Variants in BARD1 observed in about 807,000 individuals in gnomAD.
BARD1 encodes the protein BRCA1 associated RING domain 1, also known as BRCA1-associated RING domain protein 1.
In BARD1, 73 loss-of-function variants were observed where a neutral mutation model predicts 77.0. That is an observed-to-expected ratio of 0.95 (90% CI 0.79 to 1.15). The LOEUF (loss-of-function observed/expected upper bound fraction) is 1.15. BARD1 is among the 50% of genes most tolerant of loss of function. BARD1 has a pLI of 0.00. For synonymous variants in BARD1, 384 were observed against 338.0 expected (o/e 1.14, Z -1.49); for missense variants, 993 against 938.8 (o/e 1.06, Z -0.75).
chr2:214,779,401 T>A (rs1274029739), intron 4 of BARD1, among the ~76,000 whole-genome samples: 1 of 152,236 alleles, frequency 6.6e-6, no homozygotes, highest in Non-Finnish European at 1.5e-5. Flanking sequence ...AATTTGCATT[T>A]TTTTATTGCG....
intron 1 of BARD1, among the ~76,000 whole-genome samples, chr2:214,809,183 G>A (rs976870788): frequency 1.3e-5 from 2 of 152,180 alleles, no homozygotes; most frequent in Non-Finnish European, 2.9e-5. Context: ...AAAAACTACC[G>A]TTTCAGTTGG....
rs553790960 is a variant in BARD1 at position 214,780,713 on chromosome 2, G to A, written c.1161C>T (p.Phe387=). 1 of 1,614,056 alleles carries A rather than the reference G, an allele frequency of 6.2e-7. No individual in the cohort carries two copies. ...GTGGTGTACCTGGTGAAAGACTAAT[G>A]AATTCATCGGACATGTTACTGTTTT... is the stretch of plus-strand genomic sequence containing the variant. ...GRKNSNMSDE[F]ISLSPGTPPS... Residue 387 remains phenylalanine, a synonymous_variant, in exon 4 of 11, where the codon TTC becomes TTT. Coordinates refer to ENST00000260947, the MANE Select transcript of BARD1 (RefSeq NM_000465.4).
At position 214,730,326 on chromosome 2, in the gene BARD1, T is replaced by C. The variant is rs547713947; in HGVS notation, c.2001+85A>G. On this transcript the variant is annotated intron_variant, in intron 10 of 10. Transcript: ENST00000260947. Reference sequence around the variant, plus strand: ...AATTTTAATCAGTCACCTGTAGCTGTTGAAAGGGCAGAAGTTCTTCCTGAT... The same window carrying C: ...AATTTTAATCAGTCACCTGTAGCTGCTGAAAGGGCAGAAGTTCTTCCTGAT... The C allele has an allele frequency of 3.4e-4, 415 of 1,207,656 alleles. 7 individuals are homozygous for C. The South Asian group carries it at 4.6e-3, about 14-fold the overall frequency. 74.8% of individuals were successfully genotyped at this position (1,207,656 alleles called of 1,614,324 possible). A position where few individuals can be genotyped will look rare whatever the true frequency, so the allele number is the denominator to read the frequency against.
At chr2:214,804,888 T>C (rs1188088300) in intron 1 of BARD1, among the ~76,000 whole-genome samples, 2 of 152,148 alleles carry the variant, frequency 1.3e-5, no homozygotes, top group Non-Finnish European at 2.9e-5. Context: ...CTCGGCCTGG[T>C]GTGGTGGCTC....
chr2:214,781,795 C>A (rs1437965465), intron 3 of BARD1, among the ~76,000 whole-genome samples: 1 of 152,066 alleles, frequency 6.6e-6, no homozygotes. Flanking sequence ...AAATACAAAT[C>A]TAACAGAATG....
chr2:214,730,081 A>G (rs1692282787), intron 10 of BARD1, among the ~76,000 whole-genome samples: 2 of 152,238 alleles, frequency 1.3e-5, no homozygotes, highest in Non-Finnish European at 2.9e-5. Flanking sequence ...AAGCTACAAT[A>G]TGTGGCCATA....
intron 1 of BARD1, among the ~76,000 whole-genome samples, chr2:214,802,452 G>C (rs1204366727): frequency 6.6e-6 from 1 of 152,058 alleles, no homozygotes; most frequent in Non-Finnish European, 1.5e-5. Context: ...ACTTACTATG[G>C]GTTGATCCAG....
In BARD1 at chr2:214,727,219, T is replaced by C. The variant is rs949423649; in HGVS notation, c.*1457A>G. 2 of 226,546 alleles carry C rather than the reference T, an allele frequency of 8.8e-6. No homozygotes were observed. Among genetic ancestry groups the C allele is most frequent in the African/African-American group, 4.4e-5 (2 of 45,088 alleles). The allele number at this position is 226,546 out of a possible 1,614,324, so 14.0% of individuals were successfully genotyped here. Reference sequence around the variant, plus strand: ...TATTTCTTGATATGAAAAAACAACATGTCAAAGAAAGAATTAAAGCAAAAT... The same window carrying C: ...TATTTCTTGATATGAAAAAACAACACGTCAAAGAAAGAATTAAAGCAAAAT... On this transcript the variant is annotated 3_prime_UTR_variant, in exon 11 of 11. Transcript: ENST00000260947.
chr2:214,783,735 T>C (rs759433308), intron 3 of BARD1, among the ~76,000 whole-genome samples: 7 of 152,178 alleles, frequency 4.6e-5, no homozygotes, highest in Non-Finnish European at 1.0e-4. Flanking sequence ...AACCATCTGA[T>C]TTTTGACAAA....
rs181661450 is a variant in BARD1 at position 214,808,654 on chromosome 2, C to A, written c.158+758G>T. On this transcript the variant is annotated intron_variant, in intron 1 of 10. Coordinates refer to ENST00000260947, the MANE Select transcript of BARD1 (RefSeq NM_000465.4). ...TGAGACAAACCTTTCTTGGGTTTTACAAACCTTCTTGGTTTGTATACTAGA... is the reference window on the plus strand; with the variant it reads ...TGAGACAAACCTTTCTTGGGTTTTAAAAACCTTCTTGGTTTGTATACTAGA... Among the ~76,000 whole-genome samples, 3 of 151,926 alleles carry A rather than the reference C, an allele frequency of 2.0e-5. No homozygotes were observed. The East Asian group carries it at 5.8e-4, about 30-fold the overall frequency.
intron 2 of BARD1, among the ~76,000 whole-genome samples, chr2:214,796,381 A>T (rs1278282309): frequency 1.3e-5 from 2 of 152,232 alleles, no homozygotes; most frequent in Non-Finnish European, 2.9e-5. Context: ...TTAAGATGAG[A>T]ACATTAGGGT....
At chr2:214,748,633 T>G (rs1403465960) in intron 7 of BARD1, among the ~76,000 whole-genome samples, 1 of 151,982 alleles carries the variant, frequency 6.6e-6, no homozygotes, top group African/African-American at 2.4e-5. Context: ...AGATTAGAGG[T>G]TGCTTCTCAA....
intron 6 of BARD1, among the ~76,000 whole-genome samples, chr2:214,756,411 A>T (rs1182253131): frequency 6.6e-6 from 1 of 152,242 alleles, no homozygotes; most frequent in African/African-American, 2.4e-5. Flanking sequence ...CCACTATGGA[A>T]AACAGTGGAG....
chr2:214,797,685 CAT>C (rs1422979627), intron 1 of BARD1, among the ~76,000 whole-genome samples: 32 of 152,052 alleles, frequency 2.1e-4, no homozygotes, highest in Admixed American at 1.9e-3. Context: ...TTAAAAAAAA[CAT>C]GTGTTTCTTA....
intron 3 of BARD1, among the ~76,000 whole-genome samples, chr2:214,788,016 AT>A (rs1288370748): frequency 6.6e-6 from 1 of 152,050 alleles, no homozygotes; most frequent in South Asian, 2.1e-4. Context: ...ATTTAGTACT[AT>A]TTAAGAAAAA....
Position 214,771,924 on chromosome 2 carries a change from GAAA to G in BARD1, c.1315-2615_1315-2613del, listed in dbSNP as rs10602414. On this transcript the variant is annotated intron_variant, in intron 4 of 10. Coordinates refer to ENST00000260947, the MANE Select transcript of BARD1 (RefSeq NM_000465.4). ...TTCAAATTAATTACCCCAGTTTCAG[GAAA>G]AAAAAAAAAAAAAAAAGCAACATTT... Among the ~76,000 whole-genome samples, 7 of 107,144 alleles carry G rather than the reference GAAA, an allele frequency of 6.5e-5. No homozygotes were observed. The South Asian group carries it at 1.2e-3, about 18-fold the overall frequency. 70.3% of individuals were successfully genotyped at this position (107,144 alleles called of 152,430 possible).
At chr2:214,745,880 T>C (rs1349454957) in intron 7 of BARD1, 26 bp from the exon 8 acceptor site, 13 of 1,613,368 alleles carry the variant, frequency 8.1e-6, no homozygotes, top group Admixed American at 1.7e-5. Context: ...GAGATACCAG[T>C]GTTAAAAACA....
rs1553624704 is a variant in BARD1 at position 214,792,298 on chromosome 2, T to A, written c.363A>T (p.Ser121=). The A allele has an allele frequency of 6.2e-7, 1 of 1,613,344 alleles. No individual in the cohort carries two copies. The highest frequency in any genetic ancestry group is 8.5e-7 in the Non-Finnish European group (1 of 1,179,624). The change falls in exon 3 of 11, where the codon TCA becomes TCT. Residue 121 remains serine (S), a splice_region_variant and synonymous_variant. Transcript: ENST00000260947. ...LRNLLHDNEL[S]DLKEDKPRKS... is the part of the protein sequence containing the mutation. ...AAGAGAGATAGGGATAGTTCTTACC[T>A]GACAGCTCATTGTCATGTAGCAAAT...
chr2:214,760,860 C>T (rs1293271422), intron 6 of BARD1, among the ~76,000 whole-genome samples: 3 of 151,288 alleles, frequency 2.0e-5, no homozygotes, highest in Non-Finnish European at 4.4e-5. Context: ...CTGCAACCTC[C>T]GCCTCCCGGG....
Sources: gnomAD v4.1 joint callset for allele counts (sites outside exome capture counted in the v4.1 genomes callset) on GRCh38, gnomAD v4.1.1 for gene constraint, MANE v1.5 for transcripts, NCBI Gene and HGNC (gene_info 2026-07-23, HGNC 2026-07-21) for gene names.